Variants in IMMP2L observed in about 807,000 individuals in gnomAD.
IMMP2L encodes the protein inner mitochondrial membrane peptidase subunit 2.
A neutral mutation model predicts 19.3 loss-of-function variants in IMMP2L; 18 were observed. That is an observed-to-expected ratio of 0.93 (90% CI 0.64 to 1.38). The LOEUF (loss-of-function observed/expected upper bound fraction) is 1.38, where lower values mean the gene tolerates loss of function less well. Ranked by LOEUF, IMMP2L falls within the 40% of genes most tolerant of loss-of-function variation. The pLI is 0.00. For synonymous variants in IMMP2L, 76 were observed against 73.0 expected, an observed-to-expected ratio of 1.04 and a Z score of -0.21; for missense variants, 233 against 218.2, an observed-to-expected ratio of 1.07 and a Z score of -0.43.
At chr7:111,081,087 T>G (rs545310081) in intron 3 of IMMP2L, among the ~76,000 whole-genome samples, 18 of 152,326 alleles carry the variant, frequency 1.2e-4, no homozygotes, top group African/African-American at 3.8e-4. Flanking sequence ...ATGAATAAAC[T>G]TTCTTCTTTC....
intron 3 of IMMP2L, among the ~76,000 whole-genome samples, chr7:111,404,647 T>C (rs560487344): frequency 6.6e-6 from 1 of 152,204 alleles, no homozygotes; most frequent in African/African-American, 2.4e-5. Context: ...AAATTTAAAT[T>C]TGGAAAGGAA....
chr7:110,789,540 C>T (rs1425687066), intron 5 of IMMP2L, among the ~76,000 whole-genome samples: 1 of 151,602 alleles, frequency 6.6e-6, no homozygotes, highest in Non-Finnish European at 1.5e-5. Context: ...ACCTTCCCTC[C>T]CTTATTGTCT....
At chr7:111,505,868 C>T (rs1029851428) in intron 2 of IMMP2L, among the ~76,000 whole-genome samples, 2 of 151,922 alleles carry the variant, frequency 1.3e-5, no homozygotes, top group Non-Finnish European at 2.9e-5. Context: ...ATATGTAATG[C>T]TAAATGACGA....
chr7:111,025,996 T>A (rs145650684), intron 3 of IMMP2L, among the ~76,000 whole-genome samples: 1 of 151,042 alleles, frequency 6.6e-6, no homozygotes, highest in Non-Finnish European at 1.5e-5. Context: ...ATCTGATAGA[T>A]CCTTTTGCTA....
intron 2 of IMMP2L, among the ~76,000 whole-genome samples, chr7:111,491,204 A>G (rs1220472974): frequency 2.0e-5 from 3 of 152,184 alleles, no homozygotes; most frequent in Non-Finnish European, 4.4e-5. Context: ...GTAAAAATAT[A>G]GTATATAATA....
At chr7:111,138,657 C>T (rs1802575703) in intron 3 of IMMP2L, among the ~76,000 whole-genome samples, 1 of 151,972 alleles carries the variant, frequency 6.6e-6, no homozygotes, top group South Asian at 2.1e-4. Context: ...AATAGTCCTA[C>T]AAGAAAACAG....
intron 3 of IMMP2L, among the ~76,000 whole-genome samples, chr7:110,976,144 T>C (rs1820669424): frequency 6.6e-6 from 1 of 152,158 alleles, no homozygotes; most frequent in South Asian, 2.1e-4. Context: ...ATTTGCTACA[T>C]ATTTGCTTAT....
intron 3 of IMMP2L, among the ~76,000 whole-genome samples, chr7:111,131,515 G>A (rs2129593992): frequency 6.6e-6 from 1 of 152,080 alleles, no homozygotes; most frequent in South Asian, 2.1e-4. Flanking sequence ...ATATGTGCCA[G>A]ATTAACAATT....
chr7:111,264,581 C>A (rs1817644546), intron 3 of IMMP2L, among the ~76,000 whole-genome samples: 1 of 151,726 alleles, frequency 6.6e-6, no homozygotes, highest in South Asian at 2.1e-4. Flanking sequence ...GATAGCAGCA[C>A]TATTTTTGAC....
intron 3 of IMMP2L, among the ~76,000 whole-genome samples, chr7:111,164,514 T>A (rs965667770): frequency 6.6e-6 from 1 of 151,420 alleles, no homozygotes; most frequent in Non-Finnish European, 1.5e-5. Flanking sequence ...CAGATGGATT[T>A]ACCAGGAATG....
intron 3 of IMMP2L, among the ~76,000 whole-genome samples, chr7:111,380,351 T>G (rs2131213371): frequency 6.6e-6 from 1 of 152,110 alleles, no homozygotes; most frequent in Non-Finnish European, 1.5e-5. Flanking sequence ...TAATGATCGT[T>G]TGTCAAAATA....
In IMMP2L at chr7:110,919,971, C is replaced by A. The variant is rs145748189; in HGVS notation, c.306-33276G>T. 4.0e-3 allele frequency among the ~76,000 whole-genome samples: 604 copies of A among 152,188 alleles called. 3 individuals carry two copies. The highest frequency in any genetic ancestry group is 6.9e-3 in the Non-Finnish European group (469 of 67,998). ...AGACTTGGCTTGCTGAGTCTTCTGG[C>A]CTTCATCTTCTGTGCTGGATGCTTC... On this transcript the variant is annotated intron_variant, in intron 4 of 5. Coordinates refer to ENST00000405709, the MANE Select transcript of IMMP2L (RefSeq NM_032549.4).
At chr7:111,396,227 T>C (rs913318484) in intron 3 of IMMP2L, among the ~76,000 whole-genome samples, 8 of 152,190 alleles carry the variant, frequency 5.3e-5, no homozygotes, top group African/African-American at 1.9e-4. Context: ...ACTGCAGCAC[T>C]ATTTACAATA....
chr7:111,045,168 A>G (rs1363386005), intron 3 of IMMP2L, among the ~76,000 whole-genome samples: 2 of 152,352 alleles, frequency 1.3e-5, no homozygotes, highest in African/African-American at 4.8e-5. Flanking sequence ...GTCTCTGTAA[A>G]AGAACAACTA....
At chr7:110,729,819 A>T (rs1796131738) in intron 5 of IMMP2L, among the ~76,000 whole-genome samples, 1 of 152,182 alleles carries the variant, frequency 6.6e-6, no homozygotes, top group South Asian at 2.1e-4. Context: ...GCTGGGCTTA[A>T]TACCTGGGTG....
intron 3 of IMMP2L, among the ~76,000 whole-genome samples, chr7:111,132,772 T>C (rs1029051600): frequency 2.0e-5 from 3 of 152,026 alleles, no homozygotes; most frequent in Non-Finnish European, 4.4e-5. Flanking sequence ...AACTTATCTG[T>C]GTGATTAAAA....
At chr7:111,501,589 C>G (rs542345790) in intron 2 of IMMP2L, among the ~76,000 whole-genome samples, 11 of 152,222 alleles carry the variant, frequency 7.2e-5, no homozygotes, top group African/African-American at 2.6e-4. Flanking sequence ...TCGGGTTACC[C>G]ACAAAGGGAA....
At chr7:110,690,732 G>C (rs954002599) in intron 5 of IMMP2L, among the ~76,000 whole-genome samples, 1 of 151,378 alleles carries the variant, frequency 6.6e-6, no homozygotes, top group African/African-American at 2.4e-5. Context: ...ACCAATAAAC[G>C]AATTTTAAAA....
At chr7:110,952,443 C>A (rs1176463871) in intron 4 of IMMP2L, among the ~76,000 whole-genome samples, 11 of 152,142 alleles carry the variant, frequency 7.2e-5, no homozygotes, top group Non-Finnish European at 1.6e-4. Flanking sequence ...CACAAATGCA[C>A]TAACCAGCTC....
Sources: gnomAD v4.1 joint callset for allele counts (sites outside exome capture counted in the v4.1 genomes callset) on GRCh38, gnomAD v4.1.1 for gene constraint, MANE v1.5 for transcripts, NCBI Gene and HGNC (gene_info 2026-07-23, HGNC 2026-07-21) for gene names.